FGF12: variants seen among roughly 807,000 people sequenced by gnomAD.
FGF12 encodes fibroblast growth factor 12B.
In FGF12, 14 loss-of-function variants were observed where a neutral mutation model predicts 23.6. The observed-to-expected ratio is 0.59, with a 90% CI of 0.39 to 0.93. The LOEUF is 0.93. FGF12 is among the 40% of genes least tolerant of loss of function. The pLI, the probability that FGF12 is intolerant of heterozygous loss-of-function variation, is 0.00. For synonymous variants in FGF12, 62 were observed against 77.3 expected (o/e 0.80, Z 1.04); for missense variants, 175 against 217.8 (o/e 0.80, Z 1.24).
At chr3:192,165,016 A>G (rs901608250) in intron 5 of FGF12, among the ~76,000 whole-genome samples, 3 of 151,998 alleles carry the variant, frequency 2.0e-5, no homozygotes, top group African/African-American at 4.8e-5. Context: ...TAGTGGTGCA[A>G]TCTCAGCTCC....
At chr3:192,455,947 AAAGTGGTTAAT>A (rs1433085666) in intron 2 of FGF12, among the ~76,000 whole-genome samples, 1 of 152,232 alleles carries the variant, frequency 6.6e-6, no homozygotes, top group Non-Finnish European at 1.5e-5. Context: ...AGACAGAAGC[AAAGTGGTTAAT>A]AAGTGGGGCC....
chr3:192,384,615 T>C (rs1204475114), intron 2 of FGF12, among the ~76,000 whole-genome samples: 2 of 152,228 alleles, frequency 1.3e-5, no homozygotes, highest in Non-Finnish European at 2.9e-5. Context: ...AGATTTTTAA[T>C]ACATATATGA....
intron 4 of FGF12, among the ~76,000 whole-genome samples, chr3:192,293,570 G>A (rs1714876361): frequency 6.6e-6 from 1 of 152,190 alleles, no homozygotes; most frequent in South Asian, 2.1e-4. Flanking sequence ...GTTCTTAAGA[G>A]AATAATGCAG....
At chr3:192,720,638 C>T (rs1340677856) in intron 2 of FGF12, among the ~76,000 whole-genome samples, 2 of 152,110 alleles carry the variant, frequency 1.3e-5, no homozygotes, top group African/African-American at 2.4e-5. Context: ...ATTTTCAATC[C>T]CAAGTCTGTA....
chr3:192,230,229 A>C (rs1282792381), intron 4 of FGF12, among the ~76,000 whole-genome samples: 1 of 152,140 alleles, frequency 6.6e-6, no homozygotes, highest in Non-Finnish European at 1.5e-5. Context: ...CAATATTAAA[A>C]ATGTTTTGAT....
chr3:192,425,299 T>C (rs376162731), intron 2 of FGF12, among the ~76,000 whole-genome samples: 18 of 152,294 alleles, frequency 1.2e-4, no homozygotes, highest in Admixed American at 7.9e-4. Flanking sequence ...TGCTGGGATG[T>C]TCAGGAGAGA....
At chr3:192,224,892 T>G (rs765508952) in intron 4 of FGF12, among the ~76,000 whole-genome samples, 1 of 152,130 alleles carries the variant, frequency 6.6e-6, no homozygotes, top group African/African-American at 2.4e-5. Context: ...AAGTCCAGTA[T>G]GTAAATGAAT....
At position 192,577,967 on chromosome 3, in the gene FGF12, G is replaced by C. The variant is rs933996628; in HGVS notation, c.13+149214C>G. On this transcript the variant is annotated intron_variant, in intron 2 of 5. Transcript: ENST00000445105. Reference sequence around the variant, plus strand: ...AAGCAGTAACTATGGGTAAATATTTGGCTCCAAAGAAAGGTGCAGGGAGAT... The same window carrying C: ...AAGCAGTAACTATGGGTAAATATTTCGCTCCAAAGAAAGGTGCAGGGAGAT... 3.9e-5 allele frequency among the ~76,000 whole-genome samples: 6 copies of C among 152,232 alleles called. 1 individual carries two copies. The highest frequency in any genetic ancestry group is 8.8e-5 in the Non-Finnish European group (6 of 68,020).
chr3:192,400,434 C>T (rs978800757), intron 2 of FGF12, among the ~76,000 whole-genome samples: 1 of 146,214 alleles, frequency 6.8e-6, no homozygotes, highest in Admixed American at 7.0e-5. Context: ...AATGACACGA[C>T]CTTGGCTCAT....
At chr3:192,523,373 C>T (rs560162377) in intron 2 of FGF12, among the ~76,000 whole-genome samples, 19 of 152,296 alleles carry the variant, frequency 1.2e-4, no homozygotes, top group African/African-American at 3.8e-4. Context: ...TGAGGTGCTA[C>T]TCTTATTTTA....
chr3:192,311,377 A>G (rs1715923547), intron 4 of FGF12, among the ~76,000 whole-genome samples: 1 of 152,130 alleles, frequency 6.6e-6, no homozygotes, highest in African/African-American at 2.4e-5. Flanking sequence ...TGGATATTTT[A>G]CATAAATGAA....
chr3:192,378,229 G>A (rs930472671), intron 2 of FGF12, among the ~76,000 whole-genome samples: 8 of 149,290 alleles, frequency 5.4e-5, no homozygotes, highest in Admixed American at 4.6e-4. Flanking sequence ...TCCCGCCTTA[G>A]CCTCCTGAGT....
At chr3:192,476,422 A>G (rs1005793872) in intron 2 of FGF12, among the ~76,000 whole-genome samples, 1 of 152,174 alleles carries the variant, frequency 6.6e-6, no homozygotes, top group African/African-American at 2.4e-5. Context: ...ACCACTCTAC[A>G]TTAACCCTGA....
chr3:192,612,973 C>T lies in FGF12; in HGVS notation c.13+114208G>A, dbSNP rs1714605396. Among the ~76,000 whole-genome samples, 3 of 151,556 alleles carry T rather than the reference C, an allele frequency of 2.0e-5. No individual in the cohort carries two copies. The South Asian group carries it at 6.2e-4, about 32-fold the overall frequency. On this transcript the variant is annotated intron_variant, in intron 2 of 5. Coordinates refer to ENST00000445105, the MANE Select transcript of FGF12 (RefSeq NM_004113.6). ...TAATGCTGATAAAAATACTTTGGAACCACAAACTGTGGGATAGACAAATAA... is the reference window on the plus strand; with the variant it reads ...TAATGCTGATAAAAATACTTTGGAATCACAAACTGTGGGATAGACAAATAA...
At chr3:192,179,003 G>A (rs1251208731) in intron 4 of FGF12, among the ~76,000 whole-genome samples, 1 of 152,130 alleles carries the variant, frequency 6.6e-6, no homozygotes, top group Non-Finnish European at 1.5e-5. Flanking sequence ...CTTCATTAAT[G>A]GCCTTTAGAT....
At chr3:192,217,462 C>G (rs573347715) in intron 4 of FGF12, among the ~76,000 whole-genome samples, 3 of 152,230 alleles carry the variant, frequency 2.0e-5, no homozygotes, top group African/African-American at 7.2e-5. Flanking sequence ...AAGAGTTTGA[C>G]TCTATTACTG....
chr3:192,314,867 G>C (rs1716148117), intron 4 of FGF12, among the ~76,000 whole-genome samples: 1 of 152,150 alleles, frequency 6.6e-6, no homozygotes, highest in Admixed American at 6.5e-5. Flanking sequence ...GCATGTGTAA[G>C]GTGACTGCAT....
At chr3:192,272,371 A>T (rs942552566) in intron 4 of FGF12, among the ~76,000 whole-genome samples, 1 of 152,124 alleles carries the variant, frequency 6.6e-6, no homozygotes, top group Non-Finnish European at 1.5e-5. Flanking sequence ...GATTTTGTGA[A>T]ATTGCTATGT....
intron 2 of FGF12, among the ~76,000 whole-genome samples, chr3:192,512,247 T>C (rs779778001): frequency 1.8e-4 from 27 of 151,928 alleles, no homozygotes; most frequent in Non-Finnish European, 3.2e-4. Context: ...ATTTGCTCTG[T>C]GAAAAAAAAT....
Sources: gnomAD v4.1 joint callset for allele counts (sites outside exome capture counted in the v4.1 genomes callset) on GRCh38, gnomAD v4.1.1 for gene constraint, MANE v1.5 for transcripts, NCBI Gene and HGNC (gene_info 2026-07-23, HGNC 2026-07-21) for gene names.